IMMP2L: variants seen among roughly 807,000 people sequenced by gnomAD.
The protein encoded by IMMP2L is inner mitochondrial membrane peptidase subunit 2, also known as mitochondrial inner membrane protease subunit 2.
A neutral mutation model predicts 19.3 loss-of-function variants in IMMP2L; 18 were observed. The ratio of observed to expected loss-of-function variants is 0.93; its 90% CI spans 0.64 to 1.38. The LOEUF (loss-of-function observed/expected upper bound fraction) is 1.38, where lower values mean the gene tolerates loss of function less well. Among genes scored for constraint, IMMP2L ranks in the 40% most tolerant of loss-of-function variants. The probability of loss-of-function intolerance (pLI) is 0.00; values close to 1 mark genes in which losing one functional copy is unlikely to be tolerated. For synonymous variants in IMMP2L, 76 were observed against 73.0 expected (o/e 1.04, Z -0.21); for missense variants, 233 against 218.2 (o/e 1.07, Z -0.43).
intron 3 of IMMP2L, among the ~76,000 whole-genome samples, chr7:110,992,532 AT>A (rs1822586508): frequency 6.6e-6 from 1 of 151,988 alleles, no homozygotes. Flanking sequence ...TCTGAACAGA[AT>A]TTAAGCCATA....
intron 5 of IMMP2L, among the ~76,000 whole-genome samples, chr7:110,791,222 C>T (rs1800437894): frequency 6.6e-6 from 1 of 151,568 alleles, no homozygotes; most frequent in Non-Finnish European, 1.5e-5. Flanking sequence ...TGACTAGGAT[C>T]ATTATGGAAT....
intron 3 of IMMP2L, among the ~76,000 whole-genome samples, chr7:111,436,247 T>G (rs1011316550): frequency 2.0e-5 from 3 of 151,572 alleles, no homozygotes; most frequent in Non-Finnish European, 4.4e-5. Flanking sequence ...TTATGTCATA[T>G]CCACTTGGCC....
intron 5 of IMMP2L, among the ~76,000 whole-genome samples, chr7:110,705,322 A>G (rs1794580186): frequency 6.6e-6 from 1 of 152,150 alleles, no homozygotes; most frequent in African/African-American, 2.4e-5. Flanking sequence ...TAAACACATG[A>G]TTATGTCTCA....
intron 3 of IMMP2L, among the ~76,000 whole-genome samples, chr7:111,375,791 T>C (rs1830633774): frequency 1.3e-5 from 2 of 152,222 alleles, no homozygotes; most frequent in Admixed American, 6.6e-5. Context: ...CCCAAAGTGC[T>C]AGGCTTACAG....
chr7:110,797,577 T>C (rs1800944231), intron 5 of IMMP2L, among the ~76,000 whole-genome samples: 1 of 151,990 alleles, frequency 6.6e-6, no homozygotes, highest in South Asian at 2.1e-4. Flanking sequence ...GACAACACGT[T>C]TCTGTTGTGC....
At chr7:111,010,771 T>C (rs1824857536) in intron 3 of IMMP2L, among the ~76,000 whole-genome samples, 1 of 152,048 alleles carries the variant, frequency 6.6e-6, no homozygotes, top group African/African-American at 2.4e-5. Flanking sequence ...GTGTGAAAGG[T>C]AAGCTCAGTG....
chr7:110,692,594 TC>T (rs1793599264), intron 5 of IMMP2L, among the ~76,000 whole-genome samples: 1 of 152,196 alleles, frequency 6.6e-6, no homozygotes. Flanking sequence ...GCATTTGATT[TC>T]ACTGAAAATA....
chr7:111,345,529 G>A (rs1043256738), intron 3 of IMMP2L, among the ~76,000 whole-genome samples: 4 of 152,142 alleles, frequency 2.6e-5, no homozygotes, highest in African/African-American at 9.7e-5. Context: ...GATTATTTGA[G>A]GACTGCAACA....
intron 5 of IMMP2L, among the ~76,000 whole-genome samples, chr7:110,828,284 T>C (rs1418112526): frequency 2.0e-5 from 3 of 152,164 alleles, no homozygotes; most frequent in Admixed American, 1.3e-4. Context: ...CCACGGGCCA[T>C]AGTTTGCTGA....
At chr7:111,546,915 G>C (rs374098077) in intron 1 of IMMP2L, among the ~76,000 whole-genome samples, 1 of 152,126 alleles carries the variant, frequency 6.6e-6, no homozygotes, top group Admixed American at 6.6e-5. Flanking sequence ...CAAAGGCCCA[G>C]GTAACGAGAA....
At chr7:110,902,230 G>A (rs1811948265) in intron 4 of IMMP2L, among the ~76,000 whole-genome samples, 1 of 151,662 alleles carries the variant, frequency 6.6e-6, no homozygotes, top group African/African-American at 2.4e-5. Context: ...AAAAAAATGT[G>A]ATAAATGGTA....
intron 5 of IMMP2L, among the ~76,000 whole-genome samples, chr7:110,665,520 T>A (rs1479001742): frequency 6.6e-6 from 1 of 152,230 alleles, no homozygotes; most frequent in East Asian, 1.9e-4. Context: ...GCCATTATTT[T>A]AAAAATTCAA....
chr7:111,416,781 G>C lies in IMMP2L; in HGVS notation c.239+70457C>G, dbSNP rs143816238. Reference sequence around the variant, plus strand: ...AGAAAATTGCTTACTTGCTCAGTAGGCAATACATGAATCATATGTAGTATA... The same window carrying C: ...AGAAAATTGCTTACTTGCTCAGTAGCCAATACATGAATCATATGTAGTATA... On this transcript the variant is annotated intron_variant, in intron 3 of 5. Transcript: ENST00000405709. 5.1e-3 allele frequency among the ~76,000 whole-genome samples: 770 copies of C among 151,638 alleles called. 8 individuals carry two copies. The highest frequency in any genetic ancestry group is 0.024 in the Middle Eastern group (7 of 290).
At chr7:110,693,123 C>T (rs966195122) in intron 5 of IMMP2L, among the ~76,000 whole-genome samples, 1 of 152,172 alleles carries the variant, frequency 6.6e-6, no homozygotes. Context: ...TAACAAAGAA[C>T]TGAAGTTCCG....
At chr7:111,020,108 G>A (rs1363026188) in intron 3 of IMMP2L, among the ~76,000 whole-genome samples, 1 of 149,306 alleles carries the variant, frequency 6.7e-6, no homozygotes, top group African/African-American at 2.5e-5. Context: ...AAAAGGCCTA[G>A]CACGGTGGCT....
At chr7:110,739,625 T>C (rs1360305178) in intron 5 of IMMP2L, among the ~76,000 whole-genome samples, 1 of 152,086 alleles carries the variant, frequency 6.6e-6, no homozygotes, top group African/African-American at 2.4e-5. Flanking sequence ...GGGTCTTTAA[T>C]ACTCCACTGA....
intron 3 of IMMP2L, among the ~76,000 whole-genome samples, chr7:111,031,407 T>TGTGTGTGTGTGTGTGTGAGAGA (rs147571783): frequency 6.8e-6 from 1 of 147,102 alleles, no homozygotes; most frequent in South Asian, 2.2e-4. Context: ...TGTGTGTGTG[T>TGTGTGTGTGTGTGTGTGAGAGA]GAGAGAAAGA....
In IMMP2L at chr7:110,943,450, T is replaced by C. The variant is rs188885712; in HGVS notation, c.305+20050A>G. ...GATAGGTGAGTACATGCCCACCCTG[T>C]TGATTTCAGACTTGGTCATGCAGCG... On this transcript the variant is annotated intron_variant, in intron 4 of 5. Transcript: ENST00000405709. Among the ~76,000 whole-genome samples the C allele has an allele frequency of 2.4e-4, 37 of 152,128 alleles. 3 individuals are homozygous for C. The Admixed American group carries it at 2.4e-3, about 10-fold the overall frequency.
chr7:111,166,306 A>G (rs534088636), intron 3 of IMMP2L, among the ~76,000 whole-genome samples: 1 of 152,184 alleles, frequency 6.6e-6, no homozygotes, highest in South Asian at 2.1e-4. Context: ...TAAACTGTCT[A>G]TGAAGTTCTT....
Sources: gnomAD v4.1 joint callset for allele counts (sites outside exome capture counted in the v4.1 genomes callset) on GRCh38, gnomAD v4.1.1 for gene constraint, MANE v1.5 for transcripts, NCBI Gene and HGNC (gene_info 2026-07-23, HGNC 2026-07-21) for gene names.